Variants in CSMD2 observed in about 807,000 individuals in gnomAD.
The protein encoded by CSMD2 is CUB and sushi domain-containing protein 2.
A neutral mutation model predicts 398.5 loss-of-function variants in CSMD2; 130 were observed. The observed-to-expected ratio is 0.33, with a 90% CI of 0.28 to 0.38. The LOEUF (loss-of-function observed/expected upper bound fraction) is 0.38. CSMD2 is among the 10% of genes least tolerant of loss of function. The pLI is 1.00. For synonymous variants in CSMD2, 1,828 were observed against 1,908.5 expected, an observed-to-expected ratio of 0.96 and a Z score of 1.10; for missense variants, 3,829 against 4,764.9, an observed-to-expected ratio of 0.80 and a Z score of 5.78.
At chr1:33,645,818 AATGT>A (rs1275990180) in intron 29 of CSMD2, among the ~76,000 whole-genome samples, 1 of 152,230 alleles carries the variant, frequency 6.6e-6, no homozygotes, top group Non-Finnish European at 1.5e-5. Context: ...AGGTCACGCA[AATGT>A]TAAGTCATAA....
At chr1:33,602,277 T>C (rs1351034534) in intron 43 of CSMD2, 92 bp downstream of exon 43, 10 of 1,427,584 alleles carry the variant, frequency 7.0e-6, no homozygotes, top group Non-Finnish European at 8.8e-6. Flanking sequence ...CCTCTTGGTT[T>C]TTCTAAACCA....
intron 25 of CSMD2, among the ~76,000 whole-genome samples, chr1:33,689,435 C>A (rs1016073096): frequency 1.1e-4 from 17 of 152,108 alleles, no homozygotes; most frequent in African/African-American, 3.6e-4. Context: ...CCCCCCATGA[C>A]TTCATATTTC....
At chr1:33,709,385 G>A (rs1317511502) in intron 21 of CSMD2, 127 bp from the exon 22 acceptor site, 24 of 732,866 alleles carry the variant, frequency 3.3e-5, no homozygotes, top group Middle Eastern at 3.9e-4. Context: ...AGGTGCCTGC[G>A]TGTCTGTCCA....
At chr1:33,665,076 T>C (rs903518623) in intron 25 of CSMD2, among the ~76,000 whole-genome samples, 3 of 152,220 alleles carry the variant, frequency 2.0e-5, no homozygotes, top group Non-Finnish European at 4.4e-5. Flanking sequence ...TGGGTATCTC[T>C]GCACATATTT....
At chr1:33,980,813 G>A (rs570024142) in intron 3 of CSMD2, among the ~76,000 whole-genome samples, 48 of 152,316 alleles carry the variant, frequency 3.2e-4, no homozygotes, top group African/African-American at 1.2e-3. Flanking sequence ...GAAGGAAAAT[G>A]GAGAAGGATA....
intron 49 of CSMD2, among the ~76,000 whole-genome samples, chr1:33,576,850 T>G (rs567885898): frequency 6.6e-6 from 1 of 152,132 alleles, no homozygotes; most frequent in Admixed American, 6.5e-5. Context: ...GTATATTACT[T>G]GAAGGGAAAA....
At chr1:33,667,205 G>T (rs564804850) in intron 25 of CSMD2, among the ~76,000 whole-genome samples, 1 of 152,320 alleles carries the variant, frequency 6.6e-6, no homozygotes, top group South Asian at 2.1e-4. Context: ...ACAACTGAAT[G>T]AATGAGTGAG....
intron 2 of CSMD2, among the ~76,000 whole-genome samples, chr1:34,054,076 G>A (rs934076511): frequency 6.6e-6 from 1 of 152,126 alleles, no homozygotes; most frequent in African/African-American, 2.4e-5. Context: ...AATGTCAACA[G>A]CTTACATAAC....
chr1:34,140,208 G>T (rs987273190), intron 1 of CSMD2, among the ~76,000 whole-genome samples: 1 of 151,184 alleles, frequency 6.6e-6, no homozygotes, highest in African/African-American at 2.4e-5. Context: ...GGGGCAGGGG[G>T]CCTTCTCTGA....
intron 8 of CSMD2, 57 bp from the exon 9 acceptor site, chr1:33,819,894 A>T: frequency 1.2e-6 from 2 of 1,602,608 alleles, no homozygotes; most frequent in Non-Finnish European, 1.7e-6. Context: ...GCCCCGCCCC[A>T]AGTCCTTCCT....
rs1406866571 is a variant in CSMD2 at position 34,165,172 on chromosome 1, T to C, written c.-75A>G. ...AAGGAGGTCAGGAGAGCTCTGGAGC[T>C]TTTTTCTGCTCGGAAAAAATCCCGG... On this transcript the variant is annotated 5_prime_UTR_variant, in exon 1 of 71. Transcript: ENST00000373381. The C allele has an allele frequency of 4.2e-6, 5 of 1,189,850 alleles. No individual in the cohort carries two copies. In the African/African-American group the frequency reaches 8.0e-5, roughly 19 times the overall value. The allele number at this position is 1,189,850 out of a possible 1,614,324, so 73.7% of individuals were successfully genotyped here.
intron 3 of CSMD2, among the ~76,000 whole-genome samples, chr1:34,025,054 C>T (rs933173044): frequency 3.3e-5 from 5 of 152,220 alleles, no homozygotes; most frequent in African/African-American, 1.2e-4. Context: ...TCCAACCCTA[C>T]TCCCACCTCC....
intron 2 of CSMD2, among the ~76,000 whole-genome samples, chr1:34,086,679 G>C (rs745886824): frequency 6.6e-6 from 1 of 152,128 alleles, no homozygotes; most frequent in Non-Finnish European, 1.5e-5. Flanking sequence ...ACTTCCAGGA[G>C]ACCCAAGCCT....
At chr1:33,814,530 A>G (rs1657238645) in intron 9 of CSMD2, among the ~76,000 whole-genome samples, 1 of 152,120 alleles carries the variant, frequency 6.6e-6, no homozygotes, top group South Asian at 2.1e-4. Context: ...GAGGGAACAG[A>G]AGCCATATAG....
At chr1:33,676,328 GA>G (rs1374419395) in intron 25 of CSMD2, among the ~76,000 whole-genome samples, 1 of 152,118 alleles carries the variant, frequency 6.6e-6, no homozygotes, top group East Asian at 1.9e-4. Flanking sequence ...GACAAACAGA[GA>G]GCCAAATCAT....
intron 6 of CSMD2, among the ~76,000 whole-genome samples, chr1:33,837,225 G>A (rs1017763861): frequency 1.3e-5 from 2 of 152,090 alleles, no homozygotes; most frequent in African/African-American, 4.8e-5. Context: ...AACAGACTGG[G>A]ACAGACCAGG....
intron 2 of CSMD2, among the ~76,000 whole-genome samples, chr1:34,084,491 G>A (rs1445973316): frequency 3.9e-5 from 6 of 152,142 alleles, no homozygotes; most frequent in African/African-American, 7.2e-5. Context: ...CTGACAAAGG[G>A]CTAATATCCA....
intron 55 of CSMD2, 151 bp downstream of exon 55, chr1:33,557,583 T>G: frequency 1.4e-6 from 1 of 705,220 alleles, no homozygotes; most frequent in Non-Finnish European, 2.3e-6. Flanking sequence ...GTAGCCAGAG[T>G]GACTGTCACC....
chr1:33,984,144 ACT>A (rs1458751866), intron 3 of CSMD2, among the ~76,000 whole-genome samples: 1 of 141,478 alleles, frequency 7.1e-6, no homozygotes, highest in East Asian at 2.2e-4. Context: ...ACAGAGCGAG[ACT>A]CTGTCTCCCC....
Sources: gnomAD v4.1 joint callset for allele counts (sites outside exome capture counted in the v4.1 genomes callset) on GRCh38, gnomAD v4.1.1 for gene constraint, MANE v1.5 for transcripts, NCBI Gene and HGNC (gene_info 2026-07-23, HGNC 2026-07-21) for gene names.